Variants in CMSS1 observed in about 807,000 individuals in gnomAD.
The protein encoded by CMSS1 is protein CMSS1.
A neutral mutation model predicts 43.5 loss-of-function variants in CMSS1; 33 were observed. The ratio of observed to expected loss-of-function variants is 0.76; its 90% confidence interval spans 0.57 to 1.01. The LOEUF is 1.01. Ranked by LOEUF, CMSS1 falls within the 50% of genes least tolerant of loss-of-function variation. CMSS1 has a pLI of 0.00. For synonymous variants in CMSS1, 115 were observed against 117.2 expected (o/e 0.98, Z 0.12); for missense variants, 313 against 326.4 (o/e 0.96, Z 0.32).
At chr3:100,062,994 C>T (rs922817076) in intron 1 of CMSS1, among the ~76,000 whole-genome samples, 1 of 152,172 alleles carries the variant, frequency 6.6e-6, no homozygotes, top group Non-Finnish European at 1.5e-5. Context: ...TTCCTTTTGA[C>T]ACATAAAGGC....
In CMSS1 at chr3:99,995,252, C is replaced by G. The variant is rs537800682; in HGVS notation, c.65-151721C>G. On this transcript the variant is annotated intron_variant, in intron 1 of 9. Transcript: ENST00000421999. ...GCCAAAACAAAGGGGCTACGGGGCC[C>G]ATGCAAGTCTGAAATTCAGTGGGGC... 2.6e-5 allele frequency among the ~76,000 whole-genome samples: 4 copies of G among 152,282 alleles called. No individual in the cohort carries two copies. In the South Asian group the frequency reaches 8.3e-4, roughly 32 times the overall value.
intron 2 of CMSS1, among the ~76,000 whole-genome samples, chr3:100,159,005 C>T (rs1400323185): frequency 6.6e-6 from 1 of 152,188 alleles, no homozygotes; most frequent in Non-Finnish European, 1.5e-5. Context: ...CCGGCCTTTG[C>T]CTTAGGAACA....
chr3:100,174,952 GTATGTT>G (rs1576123150), intron 8 of CMSS1, among the ~76,000 whole-genome samples: 1 of 152,032 alleles, frequency 6.6e-6, no homozygotes, highest in Non-Finnish European at 1.5e-5. Context: ...TATACAATTT[GTATGTT>G]TATTTTTATA....
At chr3:99,818,089 C>T (rs1324101694) in intron 1 of CMSS1, 46 bp downstream of exon 1, 8 of 1,580,096 alleles carry the variant, frequency 5.1e-6, no homozygotes, top group African/African-American at 1.3e-5. Flanking sequence ...TCCCGGAGCC[C>T]TTCCGTGCGC....
chr3:100,031,753 C>T (rs773671956), intron 1 of CMSS1, among the ~76,000 whole-genome samples: 1 of 152,120 alleles, frequency 6.6e-6, no homozygotes, highest in African/African-American at 2.4e-5. Flanking sequence ...CGTTTATTTG[C>T]CTCACTTTCT....
At chr3:100,121,053 C>T (rs1019080656) in intron 1 of CMSS1, among the ~76,000 whole-genome samples, 1 of 152,170 alleles carries the variant, frequency 6.6e-6, no homozygotes, top group Non-Finnish European at 1.5e-5. Flanking sequence ...AGATAAACCA[C>T]TTACGTCACA....
chr3:100,006,375 C>G (rs1709985869), intron 1 of CMSS1, among the ~76,000 whole-genome samples: 1 of 152,088 alleles, frequency 6.6e-6, no homozygotes, highest in African/African-American at 2.4e-5. Flanking sequence ...CCTTTGAATA[C>G]CTTTGCCAAC....
At chr3:100,045,546 C>T (rs1467924548) in intron 1 of CMSS1, among the ~76,000 whole-genome samples, 1 of 152,010 alleles carries the variant, frequency 6.6e-6, no homozygotes, top group Non-Finnish European at 1.5e-5. Flanking sequence ...TATAATTCTC[C>T]CCCTGAAAAA....
chr3:100,158,830 T>C (rs886442368), intron 2 of CMSS1, among the ~76,000 whole-genome samples: 9 of 152,262 alleles, frequency 5.9e-5, no homozygotes, highest in African/African-American at 2.2e-4. Flanking sequence ...TTTTAATTAA[T>C]TGGCTTTGTA....
At chr3:100,021,489 C>T (rs991872615) in intron 1 of CMSS1, among the ~76,000 whole-genome samples, 2 of 152,102 alleles carry the variant, frequency 1.3e-5, no homozygotes, top group African/African-American at 4.8e-5. Context: ...GAGAAAATTC[C>T]TGTAATGTTT....
chr3:99,993,265 C>A (rs980446220), intron 1 of CMSS1, among the ~76,000 whole-genome samples: 10 of 151,842 alleles, frequency 6.6e-5, no homozygotes, highest in African/African-American at 2.4e-4. Context: ...AATATTGATT[C>A]TTCAATCTAT....
intron 1 of CMSS1, 43 bp from the exon 2 acceptor site, chr3:100,146,930 A>C: frequency 1.3e-6 from 2 of 1,566,974 alleles, no homozygotes; most frequent in Non-Finnish European, 1.7e-6. Context: ...ACTAGCAATG[A>C]GAGAGAGAGA....
intron 1 of CMSS1, chr3:99,930,062 C>A: frequency 1.3e-6 from 2 of 1,559,094 alleles, no homozygotes; most frequent in South Asian, 1.2e-5. Context: ...AGAAAGCCTG[C>A]TGTCTCTACC....
At chr3:100,168,396 T>A (rs1367018494) in intron 6 of CMSS1, among the ~76,000 whole-genome samples, 1 of 152,066 alleles carries the variant, frequency 6.6e-6, no homozygotes, top group Non-Finnish European at 1.5e-5. Context: ...CTTAAAATAG[T>A]AACAAGAAAA....
chr3:100,167,702 A>G (rs757615098), intron 5 of CMSS1, 36 bp from the exon 6 acceptor site: 10 of 1,447,550 alleles, frequency 6.9e-6, no homozygotes, highest in East Asian at 6.9e-5. Flanking sequence ...CTGTTTTGCC[A>G]TATTTCAAAT....
At chr3:99,922,439 C>T (rs538647262) in intron 1 of CMSS1, among the ~76,000 whole-genome samples, 5 of 152,244 alleles carry the variant, frequency 3.3e-5, no homozygotes, top group South Asian at 2.1e-4. Flanking sequence ...TCCCCTGCCC[C>T]CTCTCTGCCG....
At chr3:100,092,677 A>C (rs2066131147) in intron 1 of CMSS1, among the ~76,000 whole-genome samples, 1 of 147,028 alleles carries the variant, frequency 6.8e-6, no homozygotes, top group Non-Finnish European at 1.5e-5. Flanking sequence ...GCAAACATAC[A>C]TTATTGCTAT....
intron 1 of CMSS1, chr3:99,850,995 G>C (rs1293789037): frequency 6.2e-7 from 1 of 1,613,728 alleles, no homozygotes; most frequent in Non-Finnish European, 8.5e-7. Context: ...CCTCTTTCAG[G>C]GTGGTGACCC....
chr3:100,032,186 T>G (rs1020614344), intron 1 of CMSS1, among the ~76,000 whole-genome samples: 2 of 152,098 alleles, frequency 1.3e-5, no homozygotes, highest in Admixed American at 1.3e-4. Flanking sequence ...TGAAAGACAA[T>G]TATTTAAATG....
Sources: gnomAD v4.1 joint callset for allele counts (sites outside exome capture counted in the v4.1 genomes callset) on GRCh38, gnomAD v4.1.1 for gene constraint, MANE v1.5 for transcripts, NCBI Gene and HGNC (gene_info 2026-07-23, HGNC 2026-07-21) for gene names.